NTN1: variants seen among roughly 807,000 people sequenced by gnomAD.
NTN1 encodes netrin-1.
A neutral mutation model predicts 54.2 loss-of-function variants in NTN1; 11 were observed. The observed-to-expected ratio is 0.20, with a 90% CI of 0.13 to 0.34. The LOEUF (loss-of-function observed/expected upper bound fraction) is 0.34, where lower values mean the gene tolerates loss of function less well. NTN1 is among the 10% of genes least tolerant of loss of function. The pLI, the probability that NTN1 is intolerant of heterozygous loss-of-function variation, is 1.00. For missense variants in NTN1, 740 were observed against 893.1 expected, an observed-to-expected ratio of 0.83 and a Z score of 2.18; for synonymous variants, 371 against 382.0, an observed-to-expected ratio of 0.97 and a Z score of 0.33.
rs540225073 is a variant in NTN1, at chr17:9,112,591, C to T, written c.1019-50222C>T. On this transcript the variant is annotated intron_variant, in intron 2 of 6. Transcript: ENST00000173229. The stretch of plus-strand genomic sequence containing the variant: ...CTGTAATCCCAGCACTTTGGGAGGC[C>T]GAGGCAGGCGGATCACGAGGTCAGG... Among the ~76,000 whole-genome samples the T allele has an allele frequency of 2.3e-4, 35 of 151,802 alleles. No homozygotes were observed. In the South Asian group the frequency reaches 2.9e-3, roughly 13 times the overall value.
At chr17:9,128,851 A>C (rs2092255198) in intron 2 of NTN1, among the ~76,000 whole-genome samples, 1 of 152,200 alleles carries the variant, frequency 6.6e-6, no homozygotes. Context: ...CTGAGAGAAC[A>C]AAAAGAAATG....
At chr17:9,119,665 G>C (rs1567715063) in intron 2 of NTN1, among the ~76,000 whole-genome samples, 1 of 151,690 alleles carries the variant, frequency 6.6e-6, no homozygotes, top group Non-Finnish European at 1.5e-5. Flanking sequence ...CACCTGGCTA[G>C]GTTTTAAATT....
rs563401905 is a variant in NTN1 at position 9,022,700 on chromosome 17, C to T, written c.327C>T (p.Thr109=). The T allele has an allele frequency of 6.3e-6, 10 of 1,597,778 alleles. No homozygotes were observed. The highest frequency in any genetic ancestry group is 1.7e-5 in the Admixed American group (1 of 58,194). The change falls in exon 2 of 7, where the codon ACC becomes ACT. Residue 109 remains threonine, a synonymous_variant. Transcript: ENST00000173229. ...AGGCGCACCCGCCCGCCTTCCTCAC[C>T]GACCTCAACAACCCGCACAACCTGA... is the stretch of plus-strand genomic sequence containing the variant. The part of the protein sequence containing the change: ...PKKAHPPAFL[T]DLNNPHNLTC...
chr17:9,089,950 C>T (rs2092104437), intron 2 of NTN1, among the ~76,000 whole-genome samples: 1 of 151,998 alleles, frequency 6.6e-6, no homozygotes, highest in African/African-American at 2.4e-5. Flanking sequence ...GCAAAATTAT[C>T]ACTGCTCCCT....
the NTN1 span, among the ~76,000 whole-genome samples, chr17:9,014,017 G>C: frequency 2.0e-5 from 3 of 152,210 alleles, no homozygotes; most frequent in Admixed American, 1.3e-4. Flanking sequence ...AAAGGATTTG[G>C]AGGATTTGGG....
At chr17:9,065,300 G>A (rs1320488402) in intron 2 of NTN1, among the ~76,000 whole-genome samples, 2 of 152,132 alleles carry the variant, frequency 1.3e-5, no homozygotes, top group Non-Finnish European at 2.9e-5. Flanking sequence ...GTCGGACGGT[G>A]GCACAGATTC....
At chr17:9,038,676 C>T (rs1319765348) in intron 2 of NTN1, among the ~76,000 whole-genome samples, 1 of 152,156 alleles carries the variant, frequency 6.6e-6, no homozygotes, top group Non-Finnish European at 1.5e-5. Context: ...CCTCCCTCCT[C>T]CCACACACCT....
chr17:9,084,446 G>A (rs1363850156), intron 2 of NTN1, among the ~76,000 whole-genome samples: 1 of 152,124 alleles, frequency 6.6e-6, no homozygotes, highest in Non-Finnish European at 1.5e-5. Context: ...CCACTAGAGT[G>A]TTGTTTTCAC....
At chr17:9,027,562 T>A (rs1250946618) in intron 2 of NTN1, among the ~76,000 whole-genome samples, 1 of 152,176 alleles carries the variant, frequency 6.6e-6, no homozygotes, top group African/African-American at 2.4e-5. Flanking sequence ...CAGTGATATA[T>A]CCATGTGTAG....
At chr17:9,102,879 A>G (rs2092154976) in intron 2 of NTN1, among the ~76,000 whole-genome samples, 1 of 152,268 alleles carries the variant, frequency 6.6e-6, no homozygotes, top group Admixed American at 6.5e-5. Context: ...TGCATACTCT[A>G]CGATTCCATT....
intron 3 of NTN1, among the ~76,000 whole-genome samples, chr17:9,164,610 CAAAAT>C (rs1007665501): frequency 6.6e-6 from 1 of 152,170 alleles, no homozygotes; most frequent in Non-Finnish European, 1.5e-5. Context: ...ACACTTTTCT[CAAAAT>C]AAACAGGTTC....
chr17:9,231,127 GTAC>G lies in NTN1; in HGVS notation c.1487-8512_1487-8510del, dbSNP rs149327332. 3.9e-4 allele frequency among the ~76,000 whole-genome samples: 60 copies of G among 152,290 alleles called. No individual in the cohort carries two copies. In the East Asian group the frequency reaches 0.01, roughly 25 times the overall value. On this transcript the variant is annotated intron_variant, in intron 6 of 6. Coordinates refer to ENST00000173229, the MANE Select transcript of NTN1 (RefSeq NM_004822.3). The stretch of plus-strand genomic sequence containing the variant: ...AGCGCGGGTGGGCATTTCGTGAGGT[GTAC>G]CCGCTGGCTCTCCCCTGGGATGAGT...
rs139198486 is a variant in NTN1, at chr17:9,213,103, A to T, written c.1412-8065A>T. ...CTCTTGGCTGTGGGTCGGTCAGGGG[A>T]GCAGGTGGGAGGAATAAAAGGGAGG... On this transcript the variant is annotated intron_variant, in intron 5 of 6. Transcript: ENST00000173229. Among the ~76,000 whole-genome samples the T allele has an allele frequency of 5.9e-3, 902 of 152,138 alleles. 3 individuals are homozygous for T. Among genetic ancestry groups the T allele is most frequent in the Middle Eastern group, 0.02 (6 of 294 alleles).
At chr17:9,086,184 T>C (rs2092089487) in intron 2 of NTN1, among the ~76,000 whole-genome samples, 1 of 152,018 alleles carries the variant, frequency 6.6e-6, no homozygotes, top group Admixed American at 6.6e-5. Flanking sequence ...GGGAGATAAG[T>C]TGTTATGGTG....
intron 2 of NTN1, among the ~76,000 whole-genome samples, chr17:9,043,032 GTTTA>G (rs1485978563): frequency 1.3e-5 from 2 of 151,920 alleles, no homozygotes; most frequent in African/African-American, 4.8e-5. Context: ...ATACTTATGT[GTTTA>G]TTCAGAAATT....
chr17:9,210,444 CCA>C (rs71135952), intron 5 of NTN1, among the ~76,000 whole-genome samples: 1,859 of 100,818 alleles, frequency 0.018, 41 homozygotes, highest in African/African-American at 0.052. Flanking sequence ...ACCCCCACAC[CCA>C]CACACACACA....
chr17:9,171,068 T>G (rs925062528), intron 3 of NTN1: 1 of 152,174 alleles, frequency 6.6e-6, no homozygotes, highest in South Asian at 2.1e-4. Context: ...AGGGAAAGGA[T>G]AGGTTGTGCA....
At chr17:9,105,656 C>T (rs868852349) in intron 2 of NTN1, among the ~76,000 whole-genome samples, 6 of 139,670 alleles carry the variant, frequency 4.3e-5, no homozygotes, top group African/African-American at 1.5e-4. Context: ...CTGTCTCTCT[C>T]TCTTTCTCTC....
chr17:9,096,590 C>T (rs2092132848), intron 2 of NTN1, among the ~76,000 whole-genome samples: 1 of 151,948 alleles, frequency 6.6e-6, no homozygotes, highest in South Asian at 2.1e-4. Context: ...CCAGGATGGT[C>T]TCCATCTCCT....
Sources: allele counts gnomAD v4.1 joint callset (sites outside exome capture counted in the v4.1 genomes callset), GRCh38; gene constraint gnomAD v4.1.1; transcripts MANE v1.5; gene names NCBI Gene and HGNC (gene_info 2026-07-23, HGNC 2026-07-21).